Variants in TEX15 observed in about 807,000 individuals in gnomAD.
The protein encoded by TEX15 is testis-expressed protein 15.
In TEX15, 171 loss-of-function variants were observed where a neutral mutation model predicts 237.3. The ratio of observed to expected loss-of-function variants is 0.72; its 90% CI spans 0.64 to 0.82. The LOEUF (loss-of-function observed/expected upper bound fraction) is 0.82. Ranked by LOEUF, TEX15 falls within the 40% of genes least tolerant of loss-of-function variation. The pLI, the probability that TEX15 is intolerant of heterozygous loss-of-function variation, is 0.00. For missense variants in TEX15, 3,750 were observed against 3,646.5 expected, an observed-to-expected ratio of 1.03 and a Z score of -0.73; for synonymous variants, 1,338 against 1,269.8, an observed-to-expected ratio of 1.05 and a Z score of -1.14.
In TEX15 at chr8:30,843,241, G is replaced by A. The variant is rs774415281; in HGVS notation, c.6926C>T (p.Ser2309Phe). ...AGTATCATATATCTTCTGCAACTTAGAAAAGGCACATTTATTCACTCTGAG... is the reference window on the plus strand; with the variant it reads ...AGTATCATATATCTTCTGCAACTTAAAAAAGGCACATTTATTCACTCTGAG... The part of the protein sequence containing the change: ...RLLRVNKCAF[S>F]KLQKIYDTLS... Residue 2309 changes from serine (S) to phenylalanine (F), a missense_variant, in exon 8 of 11, where the codon TCT becomes TTT. Coordinates refer to ENST00000643185, the MANE Select transcript of TEX15 (RefSeq NM_001350162.2). 64 of 1,613,052 alleles carry A rather than the reference G, an allele frequency of 4.0e-5. No individual in the cohort carries two copies. The highest frequency in any genetic ancestry group is 5.3e-5 in the Non-Finnish European group (63 of 1,179,622).
chr8:30,846,567 A>G lies in TEX15; in HGVS notation c.3600T>C (p.Ile1200=), dbSNP rs761854744. ...KPEINKEDGE[I]LGFDIYSQPF... ...GCTGGGAATAAATGTCAAATCCTAG[A>G]ATTTCTCCATCTTCCTTATTTATTT... is the stretch of plus-strand genomic sequence containing the variant. Residue 1200 remains isoleucine, a synonymous_variant, in exon 8 of 11, where the codon ATT becomes ATC. Coordinates refer to ENST00000643185, the MANE Select transcript of TEX15 (RefSeq NM_001350162.2). 23 of 1,613,782 alleles carry G rather than the reference A, an allele frequency of 1.4e-5. No homozygotes were observed. Among genetic ancestry groups the G allele is most frequent in the Non-Finnish European group, 1.9e-5 (22 of 1,179,754 alleles).
chr8:30,872,448 G>T (rs1808310547), intron 4 of TEX15, among the ~76,000 whole-genome samples: 1 of 152,034 alleles, frequency 6.6e-6, no homozygotes, highest in South Asian at 2.1e-4. Context: ...AATAATAAAT[G>T]ACTATGTTGT....
intron 1 of TEX15, among the ~76,000 whole-genome samples, chr8:30,912,274 A>G (rs1809238197): frequency 6.6e-6 from 1 of 150,530 alleles, no homozygotes; most frequent in Non-Finnish European, 1.5e-5. Flanking sequence ...TCCCCGCCCT[A>G]GCGCTCCAGG....
rs542420829 is a variant in TEX15, at chr8:30,832,564, T to A, written c.*722A>T. 3 of 152,324 alleles carry A rather than the reference T, an allele frequency of 2.0e-5. No homozygotes were observed. The highest frequency in any genetic ancestry group is 7.2e-5 in the African/African-American group (3 of 41,588). 9.4% of individuals were successfully genotyped at this position (152,324 alleles called of 1,614,324 possible). On this transcript the variant is annotated 3_prime_UTR_variant, in exon 11 of 11. Coordinates refer to ENST00000643185, the MANE Select transcript of TEX15 (RefSeq NM_001350162.2). The stretch of plus-strand genomic sequence containing the variant: ...CTATGTTTGTGCCACATTGTTTAAA[T>A]TACTGTAATAAAGACTAACTGCATA...
chr8:30,836,136 C>T (rs1807286660), intron 10 of TEX15, among the ~76,000 whole-genome samples: 1 of 143,486 alleles, frequency 7.0e-6, no homozygotes, highest in South Asian at 2.3e-4. Context: ...GGTAAGTTTA[C>T]ATGATATAGT....
At chr8:30,857,188 T>C (rs2128770026) in intron 7 of TEX15, among the ~76,000 whole-genome samples, 2 of 152,256 alleles carry the variant, frequency 1.3e-5, no homozygotes, top group Middle Eastern at 6.8e-3. Flanking sequence ...TATACATCAG[T>C]GGGAAAAATG....
In TEX15 at chr8:30,842,250, G is replaced by A; in HGVS notation, c.7917C>T (p.Cys2639=). The change falls in exon 8 of 11, where the codon TGC becomes TGT. Residue 2639 remains cysteine (C), a synonymous_variant. Transcript: ENST00000643185. ...TCTTCCTTCTGTTATACAGCATTTGGCATAGGAAAAAGGAAATGGTTAGTT... is the reference window on the plus strand; with the variant it reads ...TCTTCCTTCTGTTATACAGCATTTGACATAGGAAAAAGGAAATGGTTAGTT... ...NAELTISFFL[C]QMLYNRRKIL... 4 of 1,613,244 alleles carry A rather than the reference G, an allele frequency of 2.5e-6. No homozygotes were observed. The African/African-American group carries it at 5.3e-5, about 22-fold the overall frequency.
In TEX15 at chr8:30,837,632, A is replaced by G. The variant is rs143715915; in HGVS notation, c.8652T>C (p.Asp2884=). ...CCGACGCATCAGGCACAAGAGAAAC[A>G]TCAGTTTCTGGGTTTATATCAGAAA... ...SCLSDINPET[D]VSLVPDASVL... is the part of the protein sequence containing the mutation. The change falls in exon 10 of 11, where the codon GAT becomes GAC. Residue 2884 remains aspartate (D), a synonymous_variant. Transcript: ENST00000643185. 6.2e-7 allele frequency: 1 copy of G among 1,613,948 alleles called. No homozygotes were observed. The highest frequency in any genetic ancestry group is 1.1e-5 in the South Asian group (1 of 91,068).
At chr8:30,872,316 T>C (rs1808307085) in intron 4 of TEX15, among the ~76,000 whole-genome samples, 1 of 152,162 alleles carries the variant, frequency 6.6e-6, no homozygotes, top group South Asian at 2.1e-4. Context: ...TGCCTAGTGA[T>C]AGCTTAGGTC....
intron 3 of TEX15, among the ~76,000 whole-genome samples, chr8:30,877,872 A>C (rs1007791104): frequency 6.6e-6 from 1 of 152,262 alleles, no homozygotes; most frequent in Middle Eastern, 3.4e-3. Flanking sequence ...TCACACGTAG[A>C]TTTGTGTAAC....
intron 3 of TEX15, among the ~76,000 whole-genome samples, chr8:30,878,007 A>G (rs1411821378): frequency 2.0e-5 from 3 of 151,728 alleles, no homozygotes; most frequent in African/African-American, 7.3e-5. Flanking sequence ...AAATCCTGAA[A>G]ATTATTACTC....
chr8:30,871,561 A>T (rs1808291553), intron 4 of TEX15, among the ~76,000 whole-genome samples: 1 of 152,178 alleles, frequency 6.6e-6, no homozygotes, highest in Non-Finnish European at 1.5e-5. Context: ...TCATAAAGCA[A>T]GGGGAATTGG....
At chr8:30,897,519 AT>A (rs1808929548) in intron 2 of TEX15, among the ~76,000 whole-genome samples, 2 of 152,154 alleles carry the variant, frequency 1.3e-5, no homozygotes. Context: ...AGTGGGTCCA[AT>A]TCCCATCTGC....
rs1193471161 is a variant in TEX15 at position 30,837,668 on chromosome 8, T to C, written c.8616A>G (p.Gln2872=). The C allele has an allele frequency of 3.7e-6, 6 of 1,613,926 alleles. No homozygotes were observed. The highest frequency in any genetic ancestry group is 2.2e-5 in the South Asian group (2 of 91,040). Residue 2872 remains glutamine, a synonymous_variant, in exon 10 of 11, where the codon CAA becomes CAG. Transcript: ENST00000643185. ...GGTTTATATCAGAAAGGCAGGATTT[T>C]TGGGTGGGATCTGGGGAATTTTTAA... The part of the protein sequence containing the change: ...KFLKNSPDPT[Q]KSCLSDINPE...
Position 30,858,756 on chromosome 8 carries a change from T to C in TEX15, c.762A>G (p.Val254=). 6.5e-7 allele frequency: 1 copy of C among 1,535,672 alleles called. No individual in the cohort carries two copies. The highest frequency in any genetic ancestry group is 8.7e-7 in the Non-Finnish European group (1 of 1,146,560). The change falls in exon 7 of 11, where the codon GTA becomes GTG. Residue 254 remains valine (V), a synonymous_variant. Transcript: ENST00000643185. ...KPRQCLPYAV[V]TVKFLGSKVD... The stretch of plus-strand genomic sequence containing the variant: ...CTTTTGAACCAAGAAATTTTACTGT[T>C]ACTACAGCATATGGAAGACATTGCC...
chr8:30,878,090 AG>A (rs1442711497), intron 3 of TEX15, among the ~76,000 whole-genome samples: 4 of 142,546 alleles, frequency 2.8e-5, no homozygotes, highest in Admixed American at 1.4e-4. Flanking sequence ...AGACCTGTAA[AG>A]ATTGCTTTTT....
Position 30,847,430 on chromosome 8 carries a change from A to G in TEX15, c.2737T>C (p.Leu913=). The G allele has an allele frequency of 6.2e-7, 1 of 1,611,416 alleles. No homozygotes were observed. Among genetic ancestry groups the G allele is most frequent in the South Asian group, 1.1e-5 (1 of 90,268 alleles). Reference sequence around the variant, plus strand: ...TTAGTAGAAAATTCTTCAGAACTCAAAATTTCTATATTGTGGTAATTTTTG... The same window carrying G: ...TTAGTAGAAAATTCTTCAGAACTCAGAATTTCTATATTGTGGTAATTTTTG... ...EDKNYHNIEI[L]SSEEFSTKFN... The change falls in exon 8 of 11, where the codon TTG becomes CTG. Residue 913 remains leucine, a synonymous_variant. Coordinates refer to ENST00000643185, the MANE Select transcript of TEX15 (RefSeq NM_001350162.2).
Position 30,844,041 on chromosome 8 carries a change from A to T in TEX15, c.6126T>A (p.Val2042=), listed in dbSNP as rs763223373. ...GTTCTCTTGAAATCAGGATTTGTTCAACTGAACATTCTTGCTTTCTTTCAA... is the reference window on the plus strand; with the variant it reads ...GTTCTCTTGAAATCAGGATTTGTTCTACTGAACATTCTTGCTTTCTTTCAA... ...EAFERKQECS[V]EQILISRELL... is the part of the protein sequence containing the mutation. The change falls in exon 8 of 11, where the codon GTT becomes GTA. Residue 2042 remains valine, a synonymous_variant. Transcript: ENST00000643185. 14 of 1,611,690 alleles carry T rather than the reference A, an allele frequency of 8.7e-6. No individual in the cohort carries two copies. Among genetic ancestry groups the T allele is most frequent in the Non-Finnish European group, 1.1e-5 (13 of 1,179,050 alleles).
intron 7 of TEX15, among the ~76,000 whole-genome samples, chr8:30,852,198 G>A (rs1032528556): frequency 4.6e-5 from 6 of 131,634 alleles, no homozygotes; most frequent in Non-Finnish European, 9.2e-5. Flanking sequence ...TCCGCCTCCC[G>A]GGTTCACGCC....
Sources: gnomAD v4.1 joint callset for allele counts (sites outside exome capture counted in the v4.1 genomes callset) on GRCh38, gnomAD v4.1.1 for gene constraint, MANE v1.5 for transcripts, NCBI Gene and HGNC (gene_info 2026-07-23, HGNC 2026-07-21) for gene names.